The following ZEB2 variants were observed in gnomAD, a reference collection of about 807,000 sequenced individuals.
ZEB2 encodes zinc finger E-box-binding homeobox 2.
A neutral mutation model predicts 99.9 loss-of-function variants in ZEB2; 6 were observed. That is an observed-to-expected ratio of 0.06 (90% CI 0.03 to 0.12). The LOEUF (loss-of-function observed/expected upper bound fraction) is 0.12, where lower values mean the gene tolerates loss of function less well. Ranked by LOEUF, ZEB2 falls within the 10% of genes least tolerant of loss-of-function variation. ZEB2 has a pLI of 1.00. For synonymous variants in ZEB2, 517 were observed against 542.5 expected (o/e 0.95, Z 0.65); for missense variants, 969 against 1,502.8 (o/e 0.64, Z 5.87).
chr2:144,508,776 A>G (rs191677202), intron 2 of ZEB2, among the ~76,000 whole-genome samples: 215 of 152,126 alleles, frequency 1.4e-3, no homozygotes, highest in Non-Finnish European at 2.7e-3. Flanking sequence ...CTGGCCTCTC[A>G]TAGCTTTTCA....
At chr2:144,481,382 T>C (rs538767358) in intron 2 of ZEB2, among the ~76,000 whole-genome samples, 53 of 152,314 alleles carry the variant, frequency 3.5e-4, no homozygotes, top group African/African-American at 1.3e-3. Context: ...CTGTTTCTTG[T>C]GCCTGTTATG....
intron 2 of ZEB2, among the ~76,000 whole-genome samples, chr2:144,487,767 C>T (rs1020517556): frequency 3.9e-5 from 6 of 151,980 alleles, no homozygotes; most frequent in Non-Finnish European, 7.4e-5. Context: ...ATTCAAGCTA[C>T]CAAATGATTA....
intron 2 of ZEB2, among the ~76,000 whole-genome samples, chr2:144,491,253 G>A (rs1460507652): frequency 3.3e-5 from 5 of 151,632 alleles, no homozygotes; most frequent in East Asian, 1.9e-4. Flanking sequence ...GAGTCAGCTC[G>A]GAAAAGTTGT....
Position 144,520,115 on chromosome 2 carries a change from G to A in ZEB2, c.-246C>T, listed in dbSNP as rs1406006835. 2.2e-6 allele frequency: 1 copy of A among 454,540 alleles called. No individual in the cohort carries two copies. The highest frequency in any genetic ancestry group is 1.6e-5 in the South Asian group (1 of 64,476). 28.2% of individuals were successfully genotyped at this position (454,540 alleles called of 1,614,324 possible). Reference sequence around the variant, plus strand: ...ACCGTTATTCCTGCAGAGCAGGTTAGAACTGATCTCTTTCGGCCACTCCAG... The same window carrying A: ...ACCGTTATTCCTGCAGAGCAGGTTAAAACTGATCTCTTTCGGCCACTCCAG... On this transcript the variant is annotated 5_prime_UTR_variant, in exon 1 of 10. Coordinates refer to ENST00000627532, the MANE Select transcript of ZEB2 (RefSeq NM_014795.4).
At chr2:144,416,610 T>C (rs1354400478) in intron 4 of ZEB2, among the ~76,000 whole-genome samples, 1 of 152,224 alleles carries the variant, frequency 6.6e-6, no homozygotes, top group Non-Finnish European at 1.5e-5. Flanking sequence ...TCATTCTGTC[T>C]TCTTCTTCTG....
chr2:144,453,298 A>G (rs1704078897), intron 2 of ZEB2, among the ~76,000 whole-genome samples: 1 of 152,236 alleles, frequency 6.6e-6, no homozygotes, highest in Non-Finnish European at 1.5e-5. Context: ...GCACTAAAAC[A>G]TATATGCAAA....
chr2:144,396,271 AG>A, intron 9 of ZEB2, 140 bp downstream of exon 9: 1 of 1,107,544 alleles, frequency 9.0e-7, no homozygotes. Flanking sequence ...AGTCCTACTG[AG>A]CTCGGCAAAA....
chr2:144,494,202 C>T (rs1279751692), intron 2 of ZEB2: 1 of 111,702 alleles, frequency 9.0e-6, no homozygotes, highest in African/African-American at 3.3e-5. Context: ...TCTAATAAAA[C>T]AGGAATATTT....
intron 2 of ZEB2, among the ~76,000 whole-genome samples, chr2:144,433,169 C>T (rs1341649318): frequency 6.6e-6 from 1 of 152,170 alleles, no homozygotes; most frequent in Non-Finnish European, 1.5e-5. Flanking sequence ...GAAAGATGTA[C>T]TGTTTGCTGG....
chr2:144,466,857 G>A (rs149294494), intron 2 of ZEB2, among the ~76,000 whole-genome samples: 128 of 152,238 alleles, frequency 8.4e-4, no homozygotes, highest in Admixed American at 3.1e-3. Context: ...TTCTCAGAGC[G>A]TCACTGTGAC....
At chr2:144,463,580 G>A (rs1319065111) in intron 2 of ZEB2, 3 of 152,112 alleles carry the variant, frequency 2.0e-5, no homozygotes, top group Admixed American at 6.6e-5. Context: ...TGTAATCCCA[G>A]CACTTTGGGA....
Position 144,398,654 on chromosome 2 carries a change from C to T in ZEB2, c.2533G>A (p.Asp845Asn). ...GATGAGGAAGAAACACTGTTATGAT[C>T]TAAACTGATGCTACTAGCTTTTGTT... The part of the protein sequence containing the change: ...NKTKASSISL[D>N]HNSVSSSSEN... The change falls in exon 8 of 10, where the codon GAT (aspartate) becomes AAT (asparagine). Residue 845 changes from aspartate (D) to asparagine (N), a missense_variant. Physicochemically the swap from Asp to Asn is conservative, Grantham distance 23 (BLOSUM62 1). This residue lies in a region of ZEB2 where 346 missense variants were observed against 460.0 expected (regional missense o/e 0.75). Coordinates refer to ENST00000627532, the MANE Select transcript of ZEB2 (RefSeq NM_014795.4). 1.9e-6 allele frequency: 3 copies of T among 1,614,010 alleles called. No individual in the cohort carries two copies. Among genetic ancestry groups the T allele is most frequent in the Non-Finnish European group, 2.5e-6 (3 of 1,179,998 alleles).
At chr2:144,462,463 C>G (rs1704207079) in intron 2 of ZEB2, 2 of 152,124 alleles carry the variant, frequency 1.3e-5, no homozygotes, top group African/African-American at 4.8e-5. Flanking sequence ...CTGAGGTTGC[C>G]TTTGATAGCA....
Position 144,404,053 on chromosome 2 carries a change from T to A in ZEB2, c.670A>T (p.Thr224Ser), listed in dbSNP as rs1275393702. Residue 224 changes from threonine (T) to serine (S), a missense_variant, in exon 6 of 10, where the codon ACA (threonine) becomes TCA (serine). Physicochemically the swap from Thr to Ser is moderately conservative, Grantham distance 58 (BLOSUM62 1). This residue lies in a region of ZEB2 where 65 missense variants were observed against 147.7 expected (regional missense o/e 0.44). Transcript: ENST00000627532. ...TACTTGATGTGCTCCTTCAGTGATGTCAAGCGCTTGTAGCCCCGGTCGCAG... is the reference window on the plus strand; with the variant it reads ...TACTTGATGTGCTCCTTCAGTGATGACAAGCGCTTGTAGCCCCGGTCGCAG... ...PYCDRGYKRL[T>S]SLKEHIKYRH... 1 of 1,614,118 alleles carries A rather than the reference T, an allele frequency of 6.2e-7. No homozygotes were observed. Among genetic ancestry groups the A allele is most frequent in the Non-Finnish European group, 8.5e-7 (1 of 1,180,022 alleles).
At chr2:144,462,805 C>T (rs1704213176) in intron 2 of ZEB2, 1 of 152,102 alleles carries the variant, frequency 6.6e-6, no homozygotes, top group African/African-American at 2.4e-5. Context: ...GAACAGCTGG[C>T]ATACAATAGA....
chr2:144,512,967 A>G (rs1465542376), intron 2 of ZEB2: 12 of 1,287,124 alleles, frequency 9.3e-6, no homozygotes, highest in Non-Finnish European at 1.2e-5. Context: ...GAAGAAAGCT[A>G]CTTGCCAAAG....
intron 2 of ZEB2, among the ~76,000 whole-genome samples, chr2:144,457,472 T>C (rs115611646): frequency 2.6e-5 from 4 of 152,278 alleles, no homozygotes; most frequent in African/African-American, 9.6e-5. Flanking sequence ...TTTTTAACTA[T>C]TTAACAGAGT....
chr2:144,396,701 G>A, intron 8 of ZEB2, 109 bp from the exon 9 acceptor site: 1 of 1,199,542 alleles, frequency 8.3e-7, no homozygotes, highest in South Asian at 1.3e-5. Flanking sequence ...GCTACTAATT[G>A]ATTGAGTTAA....
rs1159767781 is a variant in ZEB2 at position 144,504,092 on chromosome 2, AAACAAC to A, written c.73+13180_73+13185del. 23 of 21,736 alleles carry A rather than the reference AAACAAC, an allele frequency of 1.1e-3. 2 individuals carry two copies. Among genetic ancestry groups the A allele is most frequent in the Non-Finnish European group, 4.2e-4 (2 of 4,768 alleles). 1.3% of individuals were successfully genotyped at this position (21,736 alleles called of 1,614,324 possible). A position where few individuals can be genotyped will look rare whatever the true frequency, so the allele number is the denominator to read the frequency against. On this transcript the variant is annotated intron_variant, in intron 2 of 9. Coordinates refer to ENST00000627532, the MANE Select transcript of ZEB2 (RefSeq NM_014795.4). The stretch of plus-strand genomic sequence containing the variant: ...AGTTAACAATTAGAAAAAAAAAAAA[AAACAAC>A]AAAAAAAACAAACCACCTTAATTTC...
Sources: allele counts gnomAD v4.1 joint callset (sites outside exome capture counted in the v4.1 genomes callset), GRCh38; gene constraint gnomAD v4.1.1; regional missense constraint gnomAD v4.1.1; transcripts MANE v1.5; gene names NCBI Gene and HGNC (gene_info 2026-07-23, HGNC 2026-07-21).